Variants in BRMS1 observed in about 807,000 individuals in gnomAD.
BRMS1 encodes the protein BRMS1 transcriptional repressor and anoikis regulator.
A neutral mutation model predicts 40.4 loss-of-function variants in BRMS1; 26 were observed. The observed-to-expected ratio is 0.64, with a 90% CI of 0.47 to 0.89. The LOEUF (loss-of-function observed/expected upper bound fraction) is 0.89, where lower values mean the gene tolerates loss of function less well. Ranked by LOEUF, BRMS1 falls within the 40% of genes least tolerant of loss-of-function variation. The pLI, the probability that BRMS1 is intolerant of heterozygous loss-of-function variation, is 0.00. For synonymous variants in BRMS1, 103 were observed against 116.0 expected, an observed-to-expected ratio of 0.89 and a Z score of 0.72; for missense variants, 289 against 309.4, an observed-to-expected ratio of 0.93 and a Z score of 0.49.
Position 66,341,504 on chromosome 11 carries a change from G to C in BRMS1, c.230+29C>G. On this transcript the variant is annotated intron_variant, in intron 3 of 9. Coordinates refer to ENST00000359957, the MANE Select transcript of BRMS1 (RefSeq NM_015399.4). This position sits in a 1 kb window ranked among gnomAD's most constrained non-coding sequence, Gnocchi z 4.9. ...CACCTCCTCATCCCAGATCCTCGCA[G>C]ACCCAGCCCAAGGTGTCCCCACGCT... The C allele has an allele frequency of 6.2e-7, 1 of 1,611,772 alleles. No individual in the cohort carries two copies. The highest frequency in any genetic ancestry group is 8.5e-7 in the Non-Finnish European group (1 of 1,178,090).
In BRMS1 at chr11:66,338,748, G is replaced by A; in HGVS notation, c.666C>T (p.Ile222=). The A allele has an allele frequency of 4.4e-6, 7 of 1,595,012 alleles. No individual in the cohort carries two copies. The highest frequency in any genetic ancestry group is 6.0e-6 in the Non-Finnish European group (7 of 1,169,782). Residue 222 remains isoleucine (I), a synonymous_variant, in exon 8 of 10, where the codon ATC becomes ATT. Transcript: ENST00000359957. ...TTTTGATGGCTGTCCAGTCCTCCAG[G>A]ATGTCGATCTCTTGAAGCATGTACA... ...YIVYMLQEID[I]LEDWTAIKKA...
In BRMS1 at chr11:66,337,801, C is replaced by T. The variant is rs539150884; in HGVS notation, c.*81G>A. On this transcript the variant is annotated 3_prime_UTR_variant, in exon 10 of 10. Coordinates refer to ENST00000359957, the MANE Select transcript of BRMS1 (RefSeq NM_015399.4). ...GCAGACCCTGAGGGGCCTGTGGGTC[C>T]GCCTGTCTGCAGGAGGAAGACGAGA... The T allele has an allele frequency of 1.7e-5, 28 of 1,613,980 alleles. No individual in the cohort carries two copies. The highest frequency in any genetic ancestry group is 8.8e-5 in the South Asian group (8 of 91,080).
rs1855070165 is a variant in BRMS1, at chr11:66,341,367, G to A, written c.231-34C>T. 1 of 1,604,252 alleles carries A rather than the reference G, an allele frequency of 6.2e-7. No individual in the cohort carries two copies. The stretch of plus-strand genomic sequence containing the variant: ...TAAAAAGGCAGCCGTGCACCCATTT[G>A]CTCACCCATCGCTCTTGGGCAAACA... On this transcript the variant is annotated intron_variant, in intron 3 of 9. Transcript: ENST00000359957. The surrounding 1 kb of genome is among the most constrained non-coding windows in gnomAD (Gnocchi z 4.9).
Position 66,341,939 on chromosome 11 carries a change from C to A in BRMS1, c.139+157G>T. 2.6e-6 allele frequency: 2 copies of A among 761,062 alleles called. No individual in the cohort carries two copies. Among genetic ancestry groups the A allele is most frequent in the Non-Finnish European group, 4.2e-6 (2 of 480,996 alleles). 47.1% of individuals were successfully genotyped at this position (761,062 alleles called of 1,614,324 possible). On this transcript the variant is annotated intron_variant, in intron 2 of 9. Transcript: ENST00000359957. This position sits in a 1 kb window ranked among gnomAD's most constrained non-coding sequence, Gnocchi z 4.9. ...TGCTTGTGTGTAGGGGCTGTGTGTG[C>A]GTGTGTGCGCTTGTGTGCAGGGTCT... is the stretch of plus-strand genomic sequence containing the variant.
intron 8 of BRMS1, 108 bp downstream of exon 8, chr11:66,338,613 G>A (rs1424397097): frequency 1.3e-6 from 2 of 1,590,318 alleles, no homozygotes; most frequent in African/African-American, 2.7e-5. Context: ...GCTGAAGATG[G>A]GGAAGCCTTG....
chr11:66,343,545 G>A (rs957539009), intron 1 of BRMS1, among the ~76,000 whole-genome samples: 4 of 152,164 alleles, frequency 2.6e-5, no homozygotes, highest in Non-Finnish European at 2.9e-5. Flanking sequence ...CCTGGAGCCC[G>A]ATGCAGCAGG....
rs1772733193 is a variant in BRMS1 at position 66,345,069 on chromosome 11, G to T, written c.-105C>A. 6.6e-6 allele frequency: 1 copy of T among 152,260 alleles called. No homozygotes were observed. Among genetic ancestry groups the T allele is most frequent in the Non-Finnish European group, 1.5e-5 (1 of 68,054 alleles). 9.4% of individuals were successfully genotyped at this position (152,260 alleles called of 1,614,324 possible). On this transcript the variant is annotated 5_prime_UTR_variant, in exon 1 of 10. Coordinates refer to ENST00000359957, the MANE Select transcript of BRMS1 (RefSeq NM_015399.4). ...CTGCCGCCGGACTCCCGTAGGCGCT[G>T]CGCGGCTCCCTTTTCTTCGGGAGGC...
intron 1 of BRMS1, among the ~76,000 whole-genome samples, chr11:66,343,479 C>T (rs1036759903): frequency 6.6e-6 from 1 of 152,108 alleles, no homozygotes; most frequent in Non-Finnish European, 1.5e-5. Context: ...CACACTATAA[C>T]CATGATAGGA....
At position 66,338,804 on chromosome 11, in the gene BRMS1, A is replaced by T. The variant is rs777103657; in HGVS notation, c.629-19T>A. The T allele has an allele frequency of 2.6e-6, 4 of 1,525,194 alleles. No homozygotes were observed. The highest frequency in any genetic ancestry group is 3.5e-6 in the Non-Finnish European group (4 of 1,134,992). The allele number at this position is 1,525,194 out of a possible 1,614,324, so 94.5% of individuals were successfully genotyped here. A position where few individuals can be genotyped will look rare whatever the true frequency, so the allele number is the denominator to read the frequency against. ...TATGGGCCTGTGGTGGGGGTCAAGG[A>T]AGCCTAGTGGAGGTGGCAGGTGACG... On this transcript the variant is annotated intron_variant, in intron 7 of 9. Coordinates refer to ENST00000359957, the MANE Select transcript of BRMS1 (RefSeq NM_015399.4).
In BRMS1 at chr11:66,337,394, C is replaced by A; in HGVS notation, c.*488G>T. 1 of 442,384 alleles carries A rather than the reference C, an allele frequency of 2.3e-6. No homozygotes were observed. Among genetic ancestry groups the A allele is most frequent in the Non-Finnish European group, 4.1e-6 (1 of 244,964 alleles). 27.4% of individuals were successfully genotyped at this position (442,384 alleles called of 1,614,324 possible). ...GAATCTGAGAAGCAGACACCAAGAA[C>A]TGCCCTGAGAACACCTGGGGGGCCT... On this transcript the variant is annotated 3_prime_UTR_variant, in exon 10 of 10. Transcript: ENST00000359957.
At chr11:66,342,332 A>G in intron 1 of BRMS1, 91 bp from the exon 2 acceptor site, 1 of 1,528,342 alleles carries the variant, frequency 6.5e-7, no homozygotes, top group Non-Finnish European at 8.8e-7. Flanking sequence ...TCGATCCCAG[A>G]TGGGGAAAGC....
chr11:66,338,107 T>C, intron 9 of BRMS1, 136 bp downstream of exon 9: 1 of 1,322,962 alleles, frequency 7.6e-7, no homozygotes, highest in Non-Finnish European at 1.0e-6. Flanking sequence ...CCCTCAAATC[T>C]AGACCATCCT....
Position 66,338,400 on chromosome 11 carries a change from G to A in BRMS1, c.694-118C>T, listed in dbSNP as rs941824786. The A allele has an allele frequency of 2.4e-5, 36 of 1,528,172 alleles. No individual in the cohort carries two copies. The South Asian group carries it at 3.0e-4, about 13-fold the overall frequency. The allele number at this position is 1,528,172 out of a possible 1,614,324, so 94.7% of individuals were successfully genotyped here. ...GCCTCAGTGCTGTGCCCCCAGGACC[G>A]GGAGCATAGGCCCCACCCAGGCAGA... On this transcript the variant is annotated intron_variant, in intron 8 of 9. Transcript: ENST00000359957.
intron 7 of BRMS1, 110 bp from the exon 8 acceptor site, chr11:66,338,895 A>C: frequency 1.7e-6 from 2 of 1,162,336 alleles, no homozygotes; most frequent in East Asian, 2.4e-5. Flanking sequence ...GTGGGAGCTG[A>C]GGACCTGGGT....
chr11:66,339,893 A>T (rs1010721222), intron 7 of BRMS1: 3 of 457,962 alleles, frequency 6.6e-6, no homozygotes, highest in Non-Finnish European at 1.2e-5. Context: ...TGAGCCACGG[A>T]GCCCAGCCCG....
chr11:66,337,351 T>C lies in BRMS1; in HGVS notation c.*531A>G. 5 of 330,314 alleles carry C rather than the reference T, an allele frequency of 1.5e-5. No homozygotes were observed. Among genetic ancestry groups the C allele is most frequent in the South Asian group, 6.6e-5 (1 of 15,060 alleles). The allele number at this position is 330,314 out of a possible 1,614,324, so 20.5% of individuals were successfully genotyped here. ...GGGCACGCCAGAGTCCCAGGAAAGG[T>C]TTTAATTCCAGTCCTTGGAATCTGA... On this transcript the variant is annotated 3_prime_UTR_variant, in exon 10 of 10. Coordinates refer to ENST00000359957, the MANE Select transcript of BRMS1 (RefSeq NM_015399.4).
At position 66,337,493 on chromosome 11, in the gene BRMS1, A is replaced by G. The variant is rs1372905780; in HGVS notation, c.*389T>C. The G allele has an allele frequency of 3.3e-6, 2 of 610,184 alleles. No individual in the cohort carries two copies. The highest frequency in any genetic ancestry group is 3.0e-5 in the Admixed American group (1 of 33,852). 37.8% of individuals were successfully genotyped at this position (610,184 alleles called of 1,614,324 possible). ...CACGTCTGACTCAGAGTTCCCGCAC[A>G]GTGGAAACTGGCTCCCTGGCCCTGA... On this transcript the variant is annotated 3_prime_UTR_variant, in exon 10 of 10. Coordinates refer to ENST00000359957, the MANE Select transcript of BRMS1 (RefSeq NM_015399.4).
chr11:66,338,144 A>G lies in BRMS1; in HGVS notation c.733+99T>C, dbSNP rs1854973178. 3 of 1,501,602 alleles carry G rather than the reference A, an allele frequency of 2.0e-6. No homozygotes were observed. In the African/African-American group the frequency reaches 4.2e-5, roughly 21 times the overall value. 93.0% of individuals were successfully genotyped at this position (1,501,602 alleles called of 1,614,324 possible). ...ACTTTCTTGAGCCACTGATTCTGAC[A>G]CAGTCACAGCCTTTCTCTGGGCTCC... On this transcript the variant is annotated intron_variant, in intron 9 of 9. Transcript: ENST00000359957.
Position 66,341,647 on chromosome 11 carries a change from C to T in BRMS1, c.140-24G>A, listed in dbSNP as rs1391069027. 1.9e-6 allele frequency: 3 copies of T among 1,608,822 alleles called. No individual in the cohort carries two copies. Among genetic ancestry groups the T allele is most frequent in the Non-Finnish European group, 2.6e-6 (3 of 1,175,610 alleles). ...CTCTGGGACAAGAGGCCAGTAAGGG[C>T]TAGCTCTGGGGAGGAGTGGTGGGTA... On this transcript the variant is annotated intron_variant, in intron 2 of 9. Transcript: ENST00000359957. This position sits in a 1 kb window ranked among gnomAD's most constrained non-coding sequence, Gnocchi z 4.9.
Sources: allele counts gnomAD v4.1 joint callset (sites outside exome capture counted in the v4.1 genomes callset), GRCh38; gene constraint gnomAD v4.1.1; non-coding constraint Gnocchi (gnomAD v3.1); transcripts MANE v1.5; gene names NCBI Gene and HGNC (gene_info 2026-07-23, HGNC 2026-07-21).